HDAC9: variants seen among roughly 807,000 people sequenced by gnomAD.
HDAC9 encodes histone deacetylase 9, also known as MEF-2 interacting transcription repressor (MITR) protein.
A neutral mutation model predicts 139.4 loss-of-function variants in HDAC9; 41 were observed. The observed-to-expected ratio is 0.29, with a 90% CI of 0.23 to 0.38. The LOEUF (loss-of-function observed/expected upper bound fraction) is 0.38, where lower values mean the gene tolerates loss of function less well. Among genes scored for constraint, HDAC9 ranks in the 10% least tolerant of loss-of-function variants. HDAC9 has a pLI of 1.00. For missense variants in HDAC9, 1,147 were observed against 1,297.0 expected, an observed-to-expected ratio of 0.88 and a Z score of 1.78; for synonymous variants, 517 against 476.2, an observed-to-expected ratio of 1.09 and a Z score of -1.12.
chr7:18,430,107 A>G (rs1790502272), intron 1 of HDAC9, among the ~76,000 whole-genome samples: 1 of 152,212 alleles, frequency 6.6e-6, no homozygotes, highest in Non-Finnish European at 1.5e-5. Flanking sequence ...GCCAAAATAT[A>G]CAAAGTACGC....
intron 1 of HDAC9, among the ~76,000 whole-genome samples, chr7:18,455,368 A>AT (rs929999924): frequency 9.9e-5 from 15 of 151,958 alleles, no homozygotes; most frequent in African/African-American, 2.7e-4. Flanking sequence ...CCTTTTTCTC[A>AT]TTTTTTTGTG....
At chr7:18,610,316 A>G (rs552673022) in intron 6 of HDAC9, among the ~76,000 whole-genome samples, 2 of 152,290 alleles carry the variant, frequency 1.3e-5, no homozygotes, top group East Asian at 3.9e-4. Flanking sequence ...AATTCAGTGT[A>G]TTTAAACTTT....
At chr7:18,144,352 T>G (rs1057145965) in intron 1 of HDAC9, among the ~76,000 whole-genome samples, 6 of 152,168 alleles carry the variant, frequency 3.9e-5, no homozygotes, top group African/African-American at 1.4e-4. Context: ...AACCTTCTTC[T>G]GGTCCACCAA....
intron 1 of HDAC9, among the ~76,000 whole-genome samples, chr7:18,376,157 CG>C (rs1245234372): frequency 1.3e-5 from 2 of 151,880 alleles, no homozygotes; most frequent in African/African-American, 4.8e-5. Context: ...AAGAGATACA[CG>C]GAAGGCCACT....
intron 9 of HDAC9, among the ~76,000 whole-genome samples, chr7:18,647,107 T>G (rs975003097): frequency 6.6e-6 from 1 of 152,142 alleles, no homozygotes; most frequent in African/African-American, 2.4e-5. Flanking sequence ...TGCTTGCAAC[T>G]CCAAAATTAC....
intron 2 of HDAC9, among the ~76,000 whole-genome samples, chr7:18,213,275 G>A (rs773648320): frequency 6.6e-6 from 1 of 152,130 alleles, no homozygotes; most frequent in Non-Finnish European, 1.5e-5. Context: ...ATGATGAGCA[G>A]TATTCATGAC....
chr7:18,427,083 T>C (rs1163089429), intron 1 of HDAC9, among the ~76,000 whole-genome samples: 1 of 152,184 alleles, frequency 6.6e-6, no homozygotes, highest in Non-Finnish European at 1.5e-5. Context: ...ACAATTAACT[T>C]CATTGCCTAG....
intron 22 of HDAC9, among the ~76,000 whole-genome samples, chr7:18,884,970 ATTC>A (rs1188195305): frequency 3.3e-5 from 5 of 152,346 alleles, no homozygotes; most frequent in Non-Finnish European, 5.9e-5. Flanking sequence ...GTATACTGAT[ATTC>A]TTCAAGTTTA....
rs796947773 is a variant in HDAC9, at chr7:18,281,184, G to A, written c.25+118835G>A. Reference sequence around the variant, plus strand: ...CAAGGTGGAACAAAGCTTAGTTTGTGAGTCTGAAGCAGAATCAGGCAGTGA... The same window carrying A: ...CAAGGTGGAACAAAGCTTAGTTTGTAAGTCTGAAGCAGAATCAGGCAGTGA... On this transcript the variant is annotated intron_variant, in intron 2 of 12. Transcript: ENST00000417496. Among the ~76,000 whole-genome samples the A allele has an allele frequency of 5.3e-5, 8 of 152,336 alleles. 1 individual carries two copies. The highest frequency in any genetic ancestry group is 3.4e-3 in the Middle Eastern group (1 of 294).
intron 22 of HDAC9, among the ~76,000 whole-genome samples, chr7:18,889,762 A>T (rs375336812): frequency 6.6e-6 from 1 of 152,114 alleles, no homozygotes; most frequent in Non-Finnish European, 1.5e-5. Context: ...CAGTGGTGCA[A>T]TTATGGTTCA....
intron 1 of HDAC9, among the ~76,000 whole-genome samples, chr7:18,117,911 C>A (rs1242532970): frequency 6.6e-6 from 1 of 152,166 alleles, no homozygotes; most frequent in Non-Finnish European, 1.5e-5. Context: ...TTGACTCTTT[C>A]TCCTGTAGTT....
intron 23 of HDAC9, among the ~76,000 whole-genome samples, chr7:18,950,079 A>G: frequency 6.6e-6 from 1 of 152,020 alleles, no homozygotes; most frequent in Non-Finnish European, 1.5e-5. Context: ...AGGTCTAGGT[A>G]TTGAGATGAT....
chr7:18,742,583 A>G (rs1347487824), intron 13 of HDAC9, among the ~76,000 whole-genome samples: 4 of 152,084 alleles, frequency 2.6e-5, no homozygotes, highest in African/African-American at 9.7e-5. Context: ...AACCAGCAAT[A>G]TGTCCCAGGT....
At chr7:18,181,114 T>TC (rs1562716933) in intron 2 of HDAC9, among the ~76,000 whole-genome samples, 2 of 152,206 alleles carry the variant, frequency 1.3e-5, no homozygotes, top group Non-Finnish European at 1.5e-5. Flanking sequence ...TCCTTTTTTT[T>TC]CCCTAAGAGG....
chr7:18,417,310 A>G (rs1261309446), intron 1 of HDAC9, among the ~76,000 whole-genome samples: 1 of 152,064 alleles, frequency 6.6e-6, no homozygotes, highest in Non-Finnish European at 1.5e-5. Flanking sequence ...TTTCCACTTA[A>G]CGTTTTAAAC....
chr7:18,340,875 C>T (rs562787886), intron 1 of HDAC9, among the ~76,000 whole-genome samples: 1 of 151,606 alleles, frequency 6.6e-6, no homozygotes, highest in South Asian at 2.1e-4. Context: ...GCTTGAAGGA[C>T]TTCCTTAAAC....
intron 25 of HDAC9, among the ~76,000 whole-genome samples, chr7:18,993,733 G>A (rs1585518429): frequency 6.6e-6 from 1 of 151,996 alleles, no homozygotes; most frequent in South Asian, 2.1e-4. Flanking sequence ...AGCCCGGGAG[G>A]TTGAGGCTGC....
intron 1 of HDAC9, among the ~76,000 whole-genome samples, chr7:18,467,960 C>T (rs1183650657): frequency 6.6e-6 from 1 of 152,028 alleles, no homozygotes; most frequent in African/African-American, 2.4e-5. Context: ...TTATAAAATT[C>T]CATCTGTTGG....
chr7:18,569,618 G>A (rs1823588456), intron 2 of HDAC9, among the ~76,000 whole-genome samples: 1 of 152,172 alleles, frequency 6.6e-6, no homozygotes, highest in Admixed American at 6.5e-5. Flanking sequence ...AGTTCTGCCA[G>A]AAATAGAAAT....
Sources: gnomAD v4.1 joint callset for allele counts (sites outside exome capture counted in the v4.1 genomes callset) on GRCh38, gnomAD v4.1.1 for gene constraint, MANE v1.5 for transcripts, NCBI Gene and HGNC (gene_info 2026-07-23, HGNC 2026-07-21) for gene names.